Variants in FOXN3 observed in about 807,000 individuals in gnomAD.
FOXN3 encodes the protein forkhead box N3.
FOXN3 carries 7 observed loss-of-function variants against 38.4 expected under a neutral mutation model. That is an observed-to-expected ratio of 0.18 (90% confidence interval 0.10 to 0.34). The LOEUF (loss-of-function observed/expected upper bound fraction) is 0.34. Ranked by LOEUF, FOXN3 falls within the 10% of genes least tolerant of loss-of-function variation. FOXN3 has a pLI of 1.00. For missense variants in FOXN3, 456 were observed against 613.4 expected (o/e 0.74, Z 2.71); for synonymous variants, 230 against 242.2 (o/e 0.95, Z 0.47).
rs1887023156 is a variant in FOXN3 at position 89,158,287 on chromosome 14, T to A, written c.*4127A>T. On this transcript the variant is annotated 3_prime_UTR_variant, in exon 6 of 6. Transcript: ENST00000557258. ...TCACTCTACAGAGCCCACTGCCTGA[T>A]GCTGTCCCTCAGGCAGGAGCCTCCT... The A allele has an allele frequency of 6.6e-6, 1 of 152,336 alleles. No homozygotes were observed. Among genetic ancestry groups the A allele is most frequent in the African/African-American group, 2.4e-5 (1 of 41,458 alleles). The allele number at this position is 152,336 out of a possible 1,614,324, so 9.4% of individuals were successfully genotyped here. A position where few individuals can be genotyped will look rare whatever the true frequency, so the allele number is the denominator to read the frequency against.
chr14:89,450,125 G>A (rs904930973), intron 1 of FOXN3, among the ~76,000 whole-genome samples: 7 of 152,166 alleles, frequency 4.6e-5, no homozygotes, highest in African/African-American at 1.4e-4. Flanking sequence ...AATGACACTG[G>A]ACCAGTCTGG....
At chr14:89,476,993 A>C (rs1030749686) in intron 1 of FOXN3, among the ~76,000 whole-genome samples, 23 of 139,688 alleles carry the variant, frequency 1.6e-4, no homozygotes, top group African/African-American at 5.2e-4. Flanking sequence ...TCTGGATTTC[A>C]CCCAGCAATA....
intron 1 of FOXN3, among the ~76,000 whole-genome samples, chr14:89,452,550 G>A (rs1892634174): frequency 1.3e-5 from 2 of 152,188 alleles, no homozygotes; most frequent in African/African-American, 2.4e-5. Context: ...AAGCCTGCTG[G>A]GGAAAGCCCG....
At chr14:89,506,825 C>T (rs1412970379) in intron 1 of FOXN3, among the ~76,000 whole-genome samples, 1 of 152,180 alleles carries the variant, frequency 6.6e-6, no homozygotes, top group Admixed American at 6.5e-5. Flanking sequence ...TGTGACCTTA[C>T]CCACAACCCT....
At chr14:89,416,310 G>A (rs1891722806) in intron 1 of FOXN3, among the ~76,000 whole-genome samples, 1 of 152,210 alleles carries the variant, frequency 6.6e-6, no homozygotes. Flanking sequence ...CTTCACTGCC[G>A]GTCAGATGTC....
At chr14:89,362,915 G>A (rs1889932161) in intron 2 of FOXN3, among the ~76,000 whole-genome samples, 2 of 151,966 alleles carry the variant, frequency 1.3e-5, no homozygotes, top group African/African-American at 4.8e-5. Flanking sequence ...TTTTGAAGCA[G>A]GTCCCTGAAC....
intron 1 of FOXN3, among the ~76,000 whole-genome samples, chr14:89,499,714 T>C (rs570854578): frequency 6.6e-6 from 1 of 152,268 alleles, no homozygotes; most frequent in East Asian, 1.9e-4. Flanking sequence ...TTTTCATTTT[T>C]TTGCTTGCAA....
intron 2 of FOXN3, among the ~76,000 whole-genome samples, chr14:89,374,815 CA>C (rs1378453375): frequency 1.2e-3 from 174 of 140,454 alleles, no homozygotes; most frequent in Non-Finnish European, 1.1e-3. Flanking sequence ...ACTATAAATA[CA>C]AAAAAAAAAA....
At chr14:89,544,547 C>T (rs962584461) in intron 1 of FOXN3, among the ~76,000 whole-genome samples, 4 of 152,076 alleles carry the variant, frequency 2.6e-5, no homozygotes, top group African/African-American at 4.8e-5. Context: ...TGCTGTAGGG[C>T]GACAGAGAAA....
intron 4 of FOXN3, among the ~76,000 whole-genome samples, chr14:89,195,847 T>A (rs1888085717): frequency 6.6e-6 from 1 of 151,908 alleles, no homozygotes; most frequent in African/African-American, 2.4e-5. Flanking sequence ...CAGTACCTAA[T>A]TCAGCAATCA....
intron 4 of FOXN3, among the ~76,000 whole-genome samples, chr14:89,231,121 TTTG>T (rs1199687276): frequency 2.6e-5 from 4 of 152,170 alleles, no homozygotes; most frequent in Admixed American, 6.5e-5. Context: ...CTGGGGTGAT[TTTG>T]TTGTTGTTCT....
Position 89,188,386 on chromosome 14 carries a change from T to G in FOXN3, c.746-7580A>C, listed in dbSNP as rs562190783. 1.3e-3 allele frequency among the ~76,000 whole-genome samples: 201 copies of G among 152,336 alleles called. 1 individual carries two copies. The highest frequency in any genetic ancestry group is 4.7e-3 in the African/African-American group (194 of 41,570). The stretch of plus-strand genomic sequence containing the variant: ...AGTAATCATGGACGTTTATGGAAGC[T>G]GCTGAGGATCTGTGAAGGATCAATC... On this transcript the variant is annotated intron_variant, in intron 4 of 5. Transcript: ENST00000557258.
chr14:89,494,588 T>C (rs1338909193), intron 1 of FOXN3, among the ~76,000 whole-genome samples: 1 of 152,210 alleles, frequency 6.6e-6, no homozygotes, highest in East Asian at 1.9e-4. Context: ...TTGTCTCCCC[T>C]AAGAACAGTT....
intron 1 of FOXN3, among the ~76,000 whole-genome samples, chr14:89,604,206 AACACAC>A (rs58288291): frequency 0.28 from 41,145 of 146,694 alleles, 6,451 homozygotes; most frequent in Admixed American, 0.44. Flanking sequence ...AGCAAAACAA[AACACAC>A]ACACACACAC....
intron 1 of FOXN3, among the ~76,000 whole-genome samples, chr14:89,467,581 A>G (rs1251835970): frequency 6.7e-6 from 1 of 149,854 alleles, no homozygotes; most frequent in African/African-American, 2.4e-5. Context: ...ACAGCACAGG[A>G]AGGAAGAAAA....
At chr14:89,503,002 G>C (rs1056890816) in intron 1 of FOXN3, among the ~76,000 whole-genome samples, 2 of 152,142 alleles carry the variant, frequency 1.3e-5, no homozygotes, top group South Asian at 2.1e-4. Flanking sequence ...TACCTGGTGA[G>C]AAACAAAAGC....
chr14:89,554,315 T>A (rs1895069134), intron 1 of FOXN3, among the ~76,000 whole-genome samples: 1 of 152,070 alleles, frequency 6.6e-6, no homozygotes, highest in South Asian at 2.1e-4. Flanking sequence ...TGTTTTGATT[T>A]TTTCTAGAGA....
At chr14:89,403,257 A>G (rs907236979) in intron 2 of FOXN3, among the ~76,000 whole-genome samples, 7 of 151,982 alleles carry the variant, frequency 4.6e-5, no homozygotes, top group African/African-American at 1.7e-4. Context: ...GCTGGAATGC[A>G]GTGGTGCGAT....
chr14:89,166,165 T>C, intron 5 of FOXN3, among the ~76,000 whole-genome samples: 1 of 152,198 alleles, frequency 6.6e-6, no homozygotes, highest in Non-Finnish European at 1.5e-5. Context: ...GGAGAAATAC[T>C]CTAGAACCAA....
Sources: gnomAD v4.1 joint callset for allele counts (sites outside exome capture counted in the v4.1 genomes callset) on GRCh38, gnomAD v4.1.1 for gene constraint, MANE v1.5 for transcripts, NCBI Gene and HGNC (gene_info 2026-07-23, HGNC 2026-07-21) for gene names.